GLT1D1: variants seen among roughly 807,000 people sequenced by gnomAD.
The protein encoded by GLT1D1 is glycosyltransferase 1 domain containing 1, also known as glycosyltransferase 1 domain-containing protein 1.
A neutral mutation model predicts 28.7 loss-of-function variants in GLT1D1; 21 were observed. The ratio of observed to expected loss-of-function variants is 0.73; its 90% CI spans 0.52 to 1.05. The LOEUF (loss-of-function observed/expected upper bound fraction) is 1.05, where lower values mean the gene tolerates loss of function less well. GLT1D1 is among the 50% of genes least tolerant of loss of function. GLT1D1 has a pLI of 0.00. For missense variants in GLT1D1, 343 were observed against 330.6 expected, an observed-to-expected ratio of 1.04 and a Z score of -0.29; for synonymous variants, 147 against 124.8, an observed-to-expected ratio of 1.18 and a Z score of -1.19.
intron 6 of GLT1D1, among the ~76,000 whole-genome samples, chr12:128,950,029 T>G (rs1876527684): frequency 6.6e-6 from 1 of 152,148 alleles, no homozygotes; most frequent in African/African-American, 2.4e-5. Flanking sequence ...TCTGTGTCAC[T>G]TTAACCTTGA....
At chr12:128,932,972 A>G (rs1874091903) in intron 4 of GLT1D1, among the ~76,000 whole-genome samples, 2 of 152,180 alleles carry the variant, frequency 1.3e-5, no homozygotes, top group Admixed American at 6.5e-5. Flanking sequence ...GCCCCTTCCA[A>G]CAACTTATTT....
intron 3 of GLT1D1, among the ~76,000 whole-genome samples, chr12:128,895,655 C>T (rs1869545811): frequency 6.6e-6 from 1 of 151,950 alleles, no homozygotes; most frequent in African/African-American, 2.4e-5. Flanking sequence ...CGGGGTTTCT[C>T]AATGTTGGTC....
intron 4 of GLT1D1, among the ~76,000 whole-genome samples, chr12:128,902,580 G>A (rs1284393946): frequency 6.6e-6 from 1 of 151,310 alleles, no homozygotes; most frequent in African/African-American, 2.4e-5. Flanking sequence ...CAGTGTCCAA[G>A]AACAATGCCT....
chr12:128,930,519 C>A (rs1873744215), intron 4 of GLT1D1: 1 of 152,194 alleles, frequency 6.6e-6, no homozygotes, highest in African/African-American at 2.4e-5. Context: ...GTGCATGCGA[C>A]TAGCCAAAGT....
chr12:128,879,415 T>TTTCTTTCTTTCC (rs1956965859), intron 2 of GLT1D1, among the ~76,000 whole-genome samples: 1 of 100,668 alleles, frequency 9.9e-6, no homozygotes, highest in Non-Finnish European at 2.0e-5. Flanking sequence ...TCTTTCTTTC[T>TTTCTTTCTTTCC]TTCTTTCTTT....
chr12:128,942,746 T>G lies in GLT1D1; in HGVS notation c.376-2580T>G, dbSNP rs1206516910. On this transcript the variant is annotated intron_variant, in intron 4 of 7. Coordinates refer to ENST00000281703, the MANE Select transcript of GLT1D1 (RefSeq NM_144669.3). Reference sequence around the variant, plus strand: ...TTCCAATTTTCTTTGTTTGTTTGTTTTTGTTTTTTGTTTTTTTTTTTTGAG... The same window carrying G: ...TTCCAATTTTCTTTGTTTGTTTGTTGTTGTTTTTTGTTTTTTTTTTTTGAG... Among the ~76,000 whole-genome samples, 3 of 65,984 alleles carry G rather than the reference T, an allele frequency of 4.5e-5. No homozygotes were observed. The East Asian group carries it at 2.1e-3, about 46-fold the overall frequency. 43.3% of individuals were successfully genotyped at this position (65,984 alleles called of 152,430 possible). A position where few individuals can be genotyped will look rare whatever the true frequency, so the allele number is the denominator to read the frequency against.
intron 6 of GLT1D1, among the ~76,000 whole-genome samples, chr12:128,950,048 T>C (rs1260875046): frequency 6.6e-6 from 1 of 152,118 alleles, no homozygotes. Flanking sequence ...GACTAGTTTC[T>C]GAGTGTGTGT....
At chr12:128,974,957 C>T (rs1337745218) in intron 7 of GLT1D1, among the ~76,000 whole-genome samples, 1 of 152,212 alleles carries the variant, frequency 6.6e-6, no homozygotes, top group African/African-American at 2.4e-5. Flanking sequence ...TGAGGCTGTT[C>T]TCCCCTCCAC....
At chr12:128,981,633 T>A (rs1031018245) in intron 7 of GLT1D1, among the ~76,000 whole-genome samples, 6 of 152,202 alleles carry the variant, frequency 3.9e-5, no homozygotes, top group African/African-American at 1.2e-4. Context: ...TGAGAATATG[T>A]TTATGTGCCT....
chr12:128,972,604 A>G (rs1198600170), intron 7 of GLT1D1, among the ~76,000 whole-genome samples: 1 of 152,234 alleles, frequency 6.6e-6, no homozygotes, highest in Non-Finnish European at 1.5e-5. Context: ...GCATCTGTTG[A>G]ATGCTTGCTC....
chr12:128,954,767 T>C (rs1376705393), intron 6 of GLT1D1, among the ~76,000 whole-genome samples: 1 of 152,158 alleles, frequency 6.6e-6, no homozygotes, highest in African/African-American at 2.4e-5. Context: ...GTGGAAAACA[T>C]AGCAAGACCC....
intron 1 of GLT1D1, among the ~76,000 whole-genome samples, chr12:128,873,542 A>G (rs965068408): frequency 6.6e-6 from 1 of 152,188 alleles, no homozygotes; most frequent in African/African-American, 2.4e-5. Context: ...AATATCTAGA[A>G]GTGGAGTTAT....
chr12:128,958,248 G>A (rs374695995), intron 7 of GLT1D1, among the ~76,000 whole-genome samples: 3 of 152,260 alleles, frequency 2.0e-5, no homozygotes, highest in African/African-American at 4.8e-5. Flanking sequence ...GCCTGCATCC[G>A]ACGCCCTGAG....
intron 7 of GLT1D1, among the ~76,000 whole-genome samples, chr12:128,977,863 A>T (rs555752415): frequency 1.2e-4 from 18 of 147,630 alleles, no homozygotes; most frequent in African/African-American, 4.3e-4. Context: ...GCTCACTGCA[A>T]CCTCTGCCTC....
intron 4 of GLT1D1, among the ~76,000 whole-genome samples, chr12:128,920,623 AC>A (rs1258071011): frequency 1.3e-5 from 2 of 152,212 alleles, no homozygotes; most frequent in Non-Finnish European, 2.9e-5. Context: ...GGGCATAGAG[AC>A]TGCCTCAGCG....
intron 7 of GLT1D1, among the ~76,000 whole-genome samples, chr12:128,965,710 TAAAA>T (rs757636287): frequency 6.7e-5 from 7 of 104,724 alleles, no homozygotes; most frequent in African/African-American, 1.4e-4. Flanking sequence ...TGTCTCTGCT[TAAAA>T]AAAAAAAAAA....
At chr12:128,880,669 C>T (rs1168875058) in intron 2 of GLT1D1, among the ~76,000 whole-genome samples, 1 of 152,158 alleles carries the variant, frequency 6.6e-6, no homozygotes, top group Non-Finnish European at 1.5e-5. Context: ...TCTGTGCATA[C>T]ACTACACATT....
At chr12:128,929,021 A>C (rs1873582920) in intron 4 of GLT1D1, among the ~76,000 whole-genome samples, 2 of 152,124 alleles carry the variant, frequency 1.3e-5, no homozygotes, top group African/African-American at 4.8e-5. Context: ...TGAGGGTATT[A>C]GGAGGTGGGG....
At chr12:128,980,004 C>T (rs1880165945) in intron 7 of GLT1D1, among the ~76,000 whole-genome samples, 1 of 152,240 alleles carries the variant, frequency 6.6e-6, no homozygotes, top group Non-Finnish European at 1.5e-5. Flanking sequence ...CTCACTCTCA[C>T]ACCATTGAAA....
Sources: allele counts gnomAD v4.1 joint callset (sites outside exome capture counted in the v4.1 genomes callset), GRCh38; gene constraint gnomAD v4.1.1; transcripts MANE v1.5; gene names NCBI Gene and HGNC (gene_info 2026-07-23, HGNC 2026-07-21).